Variants in DENND4C observed in about 807,000 individuals in gnomAD.
DENND4C encodes DENN domain containing 4C, also known as DENN domain-containing protein 4C.
DENND4C carries 108 observed loss-of-function variants against 203.0 expected under a neutral mutation model. The ratio of observed to expected loss-of-function variants is 0.53; its 90% CI spans 0.46 to 0.62. DENND4C has a LOEUF of 0.62. DENND4C is among the 20% of genes least tolerant of loss of function. The pLI is 0.00. For synonymous variants in DENND4C, 871 were observed against 792.4 expected (o/e 1.10, Z -1.67); for missense variants, 2,481 against 2,301.2 (o/e 1.08, Z -1.60).
intron 16 of DENND4C, among the ~76,000 whole-genome samples, chr9:19,330,345 T>TC (rs1280061935): frequency 6.8e-6 from 1 of 147,648 alleles, no homozygotes; most frequent in African/African-American, 2.5e-5. Context: ...TTTTTTTTTT[T>TC]TTTTTTTTTT....
Position 19,360,419 on chromosome 9 carries a change from G to A in DENND4C, c.5336G>A (p.Arg1779Lys), listed in dbSNP as rs1211779083. The A allele has an allele frequency of 6.2e-7, 1 of 1,614,070 alleles. No individual in the cohort carries two copies. Among genetic ancestry groups the A allele is most frequent in the South Asian group, 1.1e-5 (1 of 91,078 alleles). The change falls in exon 29 of 33, where the codon AGA (arginine) becomes AAA (lysine). Residue 1779 changes from arginine to lysine, a missense_variant. Around this residue, in one of 3 missense-constraint regions of DENND4C, gnomAD observed 2,289 missense variants for 2,113.3 expected, o/e 1.08. Coordinates refer to ENST00000434457, the MANE Select transcript of DENND4C (RefSeq NM_001330640.2). ...TTCTGGAACCTCGTTTGGTATTTCA[G>A]ACGTTTGGACCTTCCTAGTAACTTG... ...IIFWNLVWYF[R>K]RLDLPSNLPG...
chr9:19,330,923 G>T lies in DENND4C; in HGVS notation c.2254-1055G>T, dbSNP rs193033116. On this transcript the variant is annotated intron_variant, in intron 16 of 32. Transcript: ENST00000434457. Reference sequence around the variant, plus strand: ...ACAAAAAAATTAGCTGGGCATGGTGGTGGGTGCCTGTAATCCCAGCTACTC... The same window carrying T: ...ACAAAAAAATTAGCTGGGCATGGTGTTGGGTGCCTGTAATCCCAGCTACTC... Among the ~76,000 whole-genome samples, 19 of 151,770 alleles carry T rather than the reference G, an allele frequency of 1.3e-4. No individual in the cohort carries two copies. The East Asian group carries it at 3.8e-3, about 30-fold the overall frequency.
chr9:19,336,230 T>C, intron 18 of DENND4C, 40 bp from the exon 19 acceptor site: 1 of 1,583,220 alleles, frequency 6.3e-7, no homozygotes, highest in Non-Finnish European at 8.6e-7. Context: ...AAATCAGATA[T>C]TGCTAATGAA....
intron 2 of DENND4C, among the ~76,000 whole-genome samples, chr9:19,279,681 CAAA>C (rs1211442283): frequency 1.0e-5 from 1 of 98,608 alleles, no homozygotes. Context: ...CTTCTCAAGA[CAAA>C]AAAAAAAAAA....
chr9:19,249,848 A>G (rs1419803749), intron 1 of DENND4C, among the ~76,000 whole-genome samples: 1 of 151,816 alleles, frequency 6.6e-6, no homozygotes, highest in Non-Finnish European at 1.5e-5. Flanking sequence ...TGTAGGGGCT[A>G]GGTCTCACTT....
At chr9:19,249,612 G>C (rs145306355) in intron 1 of DENND4C, among the ~76,000 whole-genome samples, 1 of 152,084 alleles carries the variant, frequency 6.6e-6, no homozygotes, top group Non-Finnish European at 1.5e-5. Flanking sequence ...CCACAAAACA[G>C]TAAAATAGTT....
At chr9:19,268,697 G>T (rs1831015260) in intron 1 of DENND4C, among the ~76,000 whole-genome samples, 1 of 151,914 alleles carries the variant, frequency 6.6e-6, no homozygotes, top group South Asian at 2.1e-4. Flanking sequence ...TATTTTCAGT[G>T]GATATACTGA....
intron 21 of DENND4C, among the ~76,000 whole-genome samples, chr9:19,341,344 G>T (rs1588953791): frequency 7.6e-6 from 1 of 132,222 alleles, no homozygotes. Context: ...GCAGGGTCTT[G>T]CTCTCTCGCC....
chr9:19,315,155 C>CAAAAAAAAAA (rs10623955), intron 10 of DENND4C, among the ~76,000 whole-genome samples: 6 of 119,470 alleles, frequency 5.0e-5, no homozygotes, highest in African/African-American at 2.0e-4. Context: ...GACTCCGTCT[C>CAAAAAAAAAA]AAAAAAAAAA....
At chr9:19,347,161 T>G (rs1227484564) in intron 23 of DENND4C, 75 bp downstream of exon 23, 1 of 1,388,430 alleles carries the variant, frequency 7.2e-7, no homozygotes, top group African/African-American at 1.4e-5. Flanking sequence ...ATATGTATTC[T>G]TGTTCAGAGA....
chr9:19,371,699 G>T, intron 31 of DENND4C, 57 bp from the exon 32 acceptor site: 1 of 860,086 alleles, frequency 1.2e-6, no homozygotes, highest in Non-Finnish European at 1.9e-6. Context: ...TAAAAAAAAT[G>T]CATCTGTGTT....
At position 19,316,886 on chromosome 9, in the gene DENND4C, T is replaced by C. The variant is rs375149503; in HGVS notation, c.1807+47T>C. 129 of 1,487,286 alleles carry C rather than the reference T, an allele frequency of 8.7e-5. No individual in the cohort carries two copies. In the African/African-American group the frequency reaches 1.7e-3, roughly 19 times the overall value. The allele number at this position is 1,487,286 out of a possible 1,614,324, so 92.1% of individuals were successfully genotyped here. On this transcript the variant is annotated intron_variant, in intron 12 of 32. Coordinates refer to ENST00000434457, the MANE Select transcript of DENND4C (RefSeq NM_001330640.2). ...ATTCCTTTTATTGAGGTGAAAAATA[T>C]TTTATATTTGATGTTGCTGCCAAGA...
chr9:19,316,947 C>G (rs557708448), intron 12 of DENND4C, 108 bp downstream of exon 12: 1 of 1,007,954 alleles, frequency 9.9e-7, no homozygotes, highest in African/African-American at 1.6e-5. Flanking sequence ...AATTCACATT[C>G]AAATATAATG....
chr9:19,312,002 C>G (rs912990429), intron 10 of DENND4C, among the ~76,000 whole-genome samples: 1 of 152,060 alleles, frequency 6.6e-6, no homozygotes, highest in Admixed American at 6.5e-5. Flanking sequence ...CCAGATGTCC[C>G]AGACTTGTTA....
chr9:19,284,470 G>T (rs1225254209), intron 2 of DENND4C, among the ~76,000 whole-genome samples: 1 of 152,128 alleles, frequency 6.6e-6, no homozygotes, highest in Non-Finnish European at 1.5e-5. Flanking sequence ...TTTTCAGGTA[G>T]ATCCTAGAAA....
rs865901394 is a variant in DENND4C at position 19,369,783 on chromosome 9, T to C, written c.5525-54T>C. 2.2e-5 allele frequency: 21 copies of C among 954,000 alleles called. 2 individuals carry two copies. In the South Asian group the frequency reaches 7.1e-4, roughly 32 times the overall value. 59.1% of individuals were successfully genotyped at this position (954,000 alleles called of 1,614,324 possible). On this transcript the variant is annotated intron_variant, in intron 30 of 32. Coordinates refer to ENST00000434457, the MANE Select transcript of DENND4C (RefSeq NM_001330640.2). ...TGTTGTCTCAAAAAAAAAAAAATAA[T>C]AATAATAATAATAGTAATAATTGAA...
At position 19,361,884 on chromosome 9, in the gene DENND4C, G is replaced by C; in HGVS notation, c.5445G>C (p.Val1815=). 6.2e-7 allele frequency: 1 copy of C among 1,612,546 alleles called. No individual in the cohort carries two copies. Among genetic ancestry groups the C allele is most frequent in the South Asian group, 1.1e-5 (1 of 91,040 alleles). Reference sequence around the variant, plus strand: ...CTCTGTCCCAGGATAGCAAACTTGTGTATATTCAGCTGTTATGGGATAATA... The same window carrying C: ...CTCTGTCCCAGGATAGCAAACTTGTCTATATTCAGCTGTTATGGGATAATA... ...LSSLSQDSKL[V]YIQLLWDNIN... is the part of the protein sequence containing the mutation. Residue 1815 remains valine (V), a synonymous_variant, in exon 30 of 33, where the codon GTG becomes GTC. Coordinates refer to ENST00000434457, the MANE Select transcript of DENND4C (RefSeq NM_001330640.2).
At chr9:19,270,803 C>T (rs976568309) in intron 1 of DENND4C, among the ~76,000 whole-genome samples, 11 of 152,252 alleles carry the variant, frequency 7.2e-5, no homozygotes, top group African/African-American at 2.6e-4. Flanking sequence ...TAAAAATTGT[C>T]TTTATTCACA....
At chr9:19,266,429 G>T (rs554615176) in intron 1 of DENND4C, among the ~76,000 whole-genome samples, 21 of 152,260 alleles carry the variant, frequency 1.4e-4, no homozygotes, top group African/African-American at 4.6e-4. Flanking sequence ...TCTGATGGTA[G>T]TTTCTTTTGC....
Sources: allele counts gnomAD v4.1 joint callset (sites outside exome capture counted in the v4.1 genomes callset), GRCh38; gene constraint gnomAD v4.1.1; regional missense constraint gnomAD v4.1.1; transcripts MANE v1.5; gene names NCBI Gene and HGNC (gene_info 2026-07-23, HGNC 2026-07-21).